FER1L6: variants seen among roughly 807,000 people sequenced by gnomAD.
FER1L6 encodes the protein fer-1-like protein 6.
A neutral mutation model predicts 219.2 loss-of-function variants in FER1L6; 177 were observed. That is an observed-to-expected ratio of 0.81 (90% CI 0.71 to 0.91). FER1L6 has a LOEUF of 0.91. Among genes scored for constraint, FER1L6 ranks in the 40% least tolerant of loss-of-function variants. The probability of loss-of-function intolerance (pLI) is 0.00; values close to 1 mark genes in which losing one functional copy is unlikely to be tolerated. For synonymous variants in FER1L6, 768 were observed against 824.3 expected, an observed-to-expected ratio of 0.93 and a Z score of 1.17; for missense variants, 2,153 against 2,259.9, an observed-to-expected ratio of 0.95 and a Z score of 0.96.
rs557168623 is a variant in FER1L6, at chr8:124,019,735, A to G, written c.2014-1815A>G. On this transcript the variant is annotated intron_variant, in intron 16 of 40. Coordinates refer to ENST00000522917, the MANE Select transcript of FER1L6 (RefSeq NM_001039112.2). ...ACAAGACAGAGGAGGTCCTTGTCCT[A>G]CTGAAGTTTACACATTAATGATTAA... Among the ~76,000 whole-genome samples, 46 of 152,368 alleles carry G rather than the reference A, an allele frequency of 3.0e-4. No individual in the cohort carries two copies. The South Asian group carries it at 8.9e-3, about 29-fold the overall frequency.
rs556134596 is a variant in FER1L6, at chr8:123,883,094, C to A, written c.-8+30909C>A. 1.7e-4 allele frequency among the ~76,000 whole-genome samples: 26 copies of A among 152,184 alleles called. 1 individual carries two copies. The South Asian group carries it at 5.0e-3, about 29-fold the overall frequency. On this transcript the variant is annotated intron_variant, in intron 1 of 40. Coordinates refer to ENST00000522917, the MANE Select transcript of FER1L6 (RefSeq NM_001039112.2). The stretch of plus-strand genomic sequence containing the variant: ...CACCACCACCACTACAACAAAAAAA[C>A]CCTTAAAAAGCCAGAGGTAAATTTG...
At chr8:124,027,674 C>G (rs572636651) in intron 18 of FER1L6, among the ~76,000 whole-genome samples, 11 of 152,308 alleles carry the variant, frequency 7.2e-5, no homozygotes, top group African/African-American at 2.6e-4. Context: ...ATCCTCCCAC[C>G]TTAGCCTCCT....
chr8:123,876,120 A>G (rs1817000662), intron 1 of FER1L6, among the ~76,000 whole-genome samples: 1 of 152,052 alleles, frequency 6.6e-6, no homozygotes, highest in African/African-American at 2.4e-5. Flanking sequence ...GCCTTTGTCT[A>G]TTCTCTGACC....
At chr8:123,858,423 G>T (rs772700542) in intron 1 of FER1L6, among the ~76,000 whole-genome samples, 3 of 152,234 alleles carry the variant, frequency 2.0e-5, no homozygotes, top group Non-Finnish European at 4.4e-5. Context: ...TGCTGTAACA[G>T]ATATACCTGA....
At chr8:124,084,210 CAAGGGT>C (rs1821695809) in intron 33 of FER1L6, among the ~76,000 whole-genome samples, 2 of 151,544 alleles carry the variant, frequency 1.3e-5, no homozygotes. Flanking sequence ...TATCTACCCA[CAAGGGT>C]AACTTCTTTC....
intron 30 of FER1L6, among the ~76,000 whole-genome samples, chr8:124,071,270 A>G (rs1821057949): frequency 6.6e-6 from 1 of 152,140 alleles, no homozygotes. Context: ...TCTTCATATA[A>G]CAGTCCTGTG....
intron 1 of FER1L6, among the ~76,000 whole-genome samples, chr8:123,927,676 G>A (rs1206383920): frequency 6.6e-6 from 1 of 152,172 alleles, no homozygotes; most frequent in African/African-American, 2.4e-5. Flanking sequence ...ATAGCTGGGT[G>A]GGCAGGCTGG....
chr8:123,894,454 G>A (rs1273341553), intron 1 of FER1L6, among the ~76,000 whole-genome samples: 1 of 152,130 alleles, frequency 6.6e-6, no homozygotes, highest in Non-Finnish European at 1.5e-5. Context: ...GACCTATACT[G>A]AACCCCTGGT....
At chr8:123,923,811 G>A (rs1813453041) in intron 1 of FER1L6, among the ~76,000 whole-genome samples, 1 of 151,408 alleles carries the variant, frequency 6.6e-6, no homozygotes. Context: ...GTGGCACGTG[G>A]CTTTAATCCC....
chr8:123,974,999 A>C, intron 7 of FER1L6, 151 bp from the exon 8 acceptor site: 1 of 574,866 alleles, frequency 1.7e-6, no homozygotes, highest in Non-Finnish European at 3.0e-6. Flanking sequence ...GGAAGAGGGA[A>C]GCAGCATGAG....
rs755375349 is a variant in FER1L6, at chr8:124,082,340, A to C, written c.4273A>C (p.Ile1425Leu). The stretch of plus-strand genomic sequence containing the variant: ...AAAAGAGTCCCTGCTCTCCATCCTG[A>C]TCTATGACCATGACATGATTGGCAC... ...FPKESLLSIL[I>L]YDHDMIGTDD... The change falls in exon 33 of 41, where the codon ATC (isoleucine) becomes CTC (leucine). Residue 1425 changes from isoleucine to leucine, a missense_variant. Coordinates refer to ENST00000522917, the MANE Select transcript of FER1L6 (RefSeq NM_001039112.2). 2.5e-5 allele frequency: 40 copies of C among 1,613,828 alleles called. No homozygotes were observed. Among genetic ancestry groups the C allele is most frequent in the Non-Finnish European group, 3.3e-5 (39 of 1,179,918 alleles).
At chr8:123,976,173 A>G in intron 9 of FER1L6, 89 bp downstream of exon 9, 3 of 1,129,942 alleles carry the variant, frequency 2.7e-6, no homozygotes, top group South Asian at 1.9e-5. Flanking sequence ...ATTAATAAAA[A>G]TTAGGAAGTG....
At chr8:124,038,701 T>TTAG (rs1819328570) in intron 19 of FER1L6, among the ~76,000 whole-genome samples, 2 of 152,282 alleles carry the variant, frequency 1.3e-5, no homozygotes, top group South Asian at 4.1e-4. Context: ...TAATAAAGGA[T>TTAG]TAGTAGTAGC....
At chr8:124,097,946 C>A (rs986694598) in intron 37 of FER1L6, 63 bp downstream of exon 37, 31 of 884,822 alleles carry the variant, frequency 3.5e-5, no homozygotes, top group Non-Finnish European at 5.9e-5. Flanking sequence ...TAAACCCTAA[C>A]TAAATCTATG....
At chr8:123,872,908 C>T (rs1008916446) in intron 1 of FER1L6, among the ~76,000 whole-genome samples, 1 of 152,204 alleles carries the variant, frequency 6.6e-6, no homozygotes, top group Non-Finnish European at 1.5e-5. Context: ...CAAGGTTCAC[C>T]ATAAATGTTG....
chr8:124,070,856 ACTT>A (rs2130869131), intron 30 of FER1L6, among the ~76,000 whole-genome samples: 1 of 152,328 alleles, frequency 6.6e-6, no homozygotes, highest in South Asian at 2.1e-4. Context: ...ACTGAACTTT[ACTT>A]TGTTCTCTCC....
chr8:123,966,085 C>T, intron 4 of FER1L6, 24 bp downstream of exon 4: 1 of 1,613,526 alleles, frequency 6.2e-7, no homozygotes. Context: ...TCTTCCTGCC[C>T]AGCCTCCCCC....
At chr8:123,964,551 G>A (rs553516986) in intron 3 of FER1L6, among the ~76,000 whole-genome samples, 7 of 152,146 alleles carry the variant, frequency 4.6e-5, no homozygotes, top group East Asian at 1.9e-4. Context: ...TTCCTTTGCC[G>A]CACCCTGACA....
chr8:123,912,294 A>G (rs1318064710), intron 1 of FER1L6, among the ~76,000 whole-genome samples: 1 of 152,082 alleles, frequency 6.6e-6, no homozygotes, highest in Non-Finnish European at 1.5e-5. Flanking sequence ...AAAAAGAAGA[A>G]GAAAGCCTAC....
Sources: allele counts gnomAD v4.1 joint callset (sites outside exome capture counted in the v4.1 genomes callset), GRCh38; gene constraint gnomAD v4.1.1; transcripts MANE v1.5; gene names NCBI Gene and HGNC (gene_info 2026-07-23, HGNC 2026-07-21).